SLC5A7: variants seen among roughly 807,000 people sequenced by gnomAD.
The protein encoded by SLC5A7 is solute carrier family 5 member 7, also known as high affinity choline transporter 1.
In SLC5A7, 19 loss-of-function variants were observed where a neutral mutation model predicts 55.4. The observed-to-expected ratio is 0.34, with a 90% confidence interval of 0.24 to 0.50. The LOEUF (loss-of-function observed/expected upper bound fraction) is 0.50. Ranked by LOEUF, SLC5A7 falls within the 20% of genes least tolerant of loss-of-function variation. The probability of loss-of-function intolerance (pLI) is 0.98; values close to 1 mark genes in which losing one functional copy is unlikely to be tolerated. For missense variants in SLC5A7, 506 were observed against 705.3 expected, an observed-to-expected ratio of 0.72 and a Z score of 3.20; for synonymous variants, 265 against 263.7, an observed-to-expected ratio of 1.00 and a Z score of -0.05.
chr2:107,997,791 G>C, intron 4 of SLC5A7, 47 bp from the exon 5 acceptor site: 1 of 1,518,610 alleles, frequency 6.6e-7, no homozygotes, highest in African/African-American at 1.4e-5. Flanking sequence ...ACAAAGAGCA[G>C]AATCTGTCTG....
chr2:108,009,565 T>C (rs892235060), intron 8 of SLC5A7, among the ~76,000 whole-genome samples: 1 of 152,112 alleles, frequency 6.6e-6, no homozygotes, highest in Non-Finnish European at 1.5e-5. Flanking sequence ...ATGTGGTGTT[T>C]GGTTTTCTGT....
chr2:107,998,032 G>A, intron 5 of SLC5A7, 46 bp downstream of exon 5: 2 of 1,567,546 alleles, frequency 1.3e-6, no homozygotes, highest in Non-Finnish European at 1.7e-6. Context: ...TCTGTAAAAG[G>A]TAATGTATTT....
At chr2:107,994,411 A>C (rs549438144) in intron 4 of SLC5A7, among the ~76,000 whole-genome samples, 1 of 152,020 alleles carries the variant, frequency 6.6e-6, no homozygotes. Flanking sequence ...GTGAAACCCC[A>C]TCTCTACTAA....
At chr2:108,006,999 G>A (rs894137533) in intron 7 of SLC5A7, among the ~76,000 whole-genome samples, 7 of 152,148 alleles carry the variant, frequency 4.6e-5, no homozygotes, top group African/African-American at 1.4e-4. Context: ...TGAAAAAAGA[G>A]CATTATGAAA....
chr2:107,994,741 T>C (rs564634880), intron 4 of SLC5A7, among the ~76,000 whole-genome samples: 20 of 152,304 alleles, frequency 1.3e-4, no homozygotes, highest in Middle Eastern at 6.8e-3. Context: ...CTGAGTTGCA[T>C]TGGGCGCTTG....
At position 108,012,990 on chromosome 2, in the gene SLC5A7, A is replaced by T. The variant is rs1299674063; in HGVS notation, c.*2129A>T. 3 of 152,106 alleles carry T rather than the reference A, an allele frequency of 2.0e-5. No individual in the cohort carries two copies. The highest frequency in any genetic ancestry group is 7.2e-5 in the African/African-American group (3 of 41,420). 9.4% of individuals were successfully genotyped at this position (152,106 alleles called of 1,614,324 possible). A position where few individuals can be genotyped will look rare whatever the true frequency, so the allele number is the denominator to read the frequency against. Reference sequence around the variant, plus strand: ...TCTGTCTCAACCTGCTGAGGCACAGACTTCCACCATGTGCATCAGGAAACA... The same window carrying T: ...TCTGTCTCAACCTGCTGAGGCACAGTCTTCCACCATGTGCATCAGGAAACA... On this transcript the variant is annotated 3_prime_UTR_variant, in exon 9 of 9. Coordinates refer to ENST00000264047, the MANE Select transcript of SLC5A7 (RefSeq NM_021815.5).
At chr2:107,990,418 G>T (rs929926592) in intron 2 of SLC5A7, among the ~76,000 whole-genome samples, 1 of 152,012 alleles carries the variant, frequency 6.6e-6, no homozygotes, top group South Asian at 2.1e-4. Flanking sequence ...AAACATTGAC[G>T]TGTTAGCAAT....
intron 8 of SLC5A7, 92 bp downstream of exon 8, chr2:108,008,774 A>C (rs1678212134): frequency 1.2e-6 from 1 of 845,346 alleles, no homozygotes; most frequent in Non-Finnish European, 1.7e-6. Context: ...TTATATATTT[A>C]TTAATATTCT....
At chr2:107,995,462 AGAGAGAGAGTGT>A (rs1230825177) in intron 4 of SLC5A7, among the ~76,000 whole-genome samples, 12 of 127,692 alleles carry the variant, frequency 9.4e-5, no homozygotes, top group Admixed American at 2.6e-4. Context: ...AGAGAGAGAG[AGAGAGAGAGTGT>A]GTGTGTGTGT....
rs869199323 is a variant in SLC5A7 at position 107,995,468 on chromosome 2, A to AGT, written c.448+2342_448+2343insTG. 3.1e-3 allele frequency among the ~76,000 whole-genome samples: 390 copies of AGT among 125,498 alleles called. 1 individual carries two copies. Among genetic ancestry groups the AGT allele is most frequent in the African/African-American group, 0.011 (363 of 33,258 alleles). The allele number at this position is 125,498 out of a possible 152,430, so 82.3% of individuals were successfully genotyped here. ...GGGAGAGAGAGAGAGAGAGAGAGAG[A>AGT]GAGTGTGTGTGTGTGTGTGTGTGTG... On this transcript the variant is annotated intron_variant, in intron 4 of 8. Coordinates refer to ENST00000264047, the MANE Select transcript of SLC5A7 (RefSeq NM_021815.5).
Position 108,006,985 on chromosome 2 carries a change from G to A in SLC5A7, c.895+783G>A, listed in dbSNP as rs182251661. The stretch of plus-strand genomic sequence containing the variant: ...TTAGAGAATAACTTATTAAAAAATG[G>A]TTTTGAAAAAAGAGCATTATGAAAT... On this transcript the variant is annotated intron_variant, in intron 7 of 8. Coordinates refer to ENST00000264047, the MANE Select transcript of SLC5A7 (RefSeq NM_021815.5). Among the ~76,000 whole-genome samples, 121 of 152,118 alleles carry A rather than the reference G, an allele frequency of 8.0e-4. 1 individual carries two copies. Among genetic ancestry groups the A allele is most frequent in the African/African-American group, 2.9e-3 (120 of 41,528 alleles).
chr2:107,995,470 AGTGTGTGTGT>A (rs57328827), intron 4 of SLC5A7, among the ~76,000 whole-genome samples: 2 of 137,166 alleles, frequency 1.5e-5, no homozygotes, highest in Non-Finnish European at 3.1e-5. Context: ...AGAGAGAGAG[AGTGTGTGTGT>A]GTGTGTGTGT....
chr2:108,002,509 GC>G (rs1677952221), intron 6 of SLC5A7, among the ~76,000 whole-genome samples: 1 of 150,196 alleles, frequency 6.7e-6, no homozygotes, highest in African/African-American at 2.5e-5. Context: ...CAGGAAAGAT[GC>G]CAAGAGAGAG....
At position 108,011,279 on chromosome 2, in the gene SLC5A7, A is replaced by G. The variant is rs146097287; in HGVS notation, c.*418A>G. On this transcript the variant is annotated 3_prime_UTR_variant, in exon 9 of 9. Transcript: ENST00000264047. ...TCTAGTTTCATTATAGCACGAAGCT[A>G]TGAGAATAACTTCAGTCACTCCCTT... 312 of 154,736 alleles carry G rather than the reference A, an allele frequency of 2.0e-3. 2 individuals carry two copies. Among genetic ancestry groups the G allele is most frequent in the African/African-American group, 7.1e-3 (297 of 41,668 alleles). The allele number at this position is 154,736 out of a possible 1,614,324, so 9.6% of individuals were successfully genotyped here.
intron 1 of SLC5A7, among the ~76,000 whole-genome samples, chr2:107,986,987 G>T (rs1291337710): frequency 6.6e-6 from 1 of 152,112 alleles, no homozygotes; most frequent in Non-Finnish European, 1.5e-5. Flanking sequence ...GCCGCAGGGG[G>T]CCGGGAGAGC....
chr2:107,991,515 C>T (rs1300998562), intron 2 of SLC5A7, among the ~76,000 whole-genome samples: 1 of 152,090 alleles, frequency 6.6e-6, no homozygotes, highest in Non-Finnish European at 1.5e-5. Context: ...GATTTGCAAG[C>T]TCTGATATCC....
chr2:107,998,782 G>A (rs796724551), intron 5 of SLC5A7, among the ~76,000 whole-genome samples: 23 of 152,236 alleles, frequency 1.5e-4, no homozygotes, highest in African/African-American at 5.5e-4. Context: ...TCCTGCAAAG[G>A]CCACAGACTG....
chr2:108,001,827 G>A, intron 5 of SLC5A7, 70 bp from the exon 6 acceptor site: 1 of 1,554,152 alleles, frequency 6.4e-7, no homozygotes, highest in Non-Finnish European at 8.8e-7. Flanking sequence ...TGTGTGAGGT[G>A]TACAAATCTT....
chr2:108,002,975 C>A (rs571705712), intron 6 of SLC5A7, among the ~76,000 whole-genome samples: 131 of 152,286 alleles, frequency 8.6e-4, no homozygotes, highest in African/African-American at 3.1e-3. Context: ...GTGATCGTGG[C>A]ACATGGCTGA....
Sources: allele counts gnomAD v4.1 joint callset (sites outside exome capture counted in the v4.1 genomes callset), GRCh38; gene constraint gnomAD v4.1.1; transcripts MANE v1.5; gene names NCBI Gene and HGNC (gene_info 2026-07-23, HGNC 2026-07-21).